The following PAQR5 variants were observed in gnomAD, a reference collection of about 807,000 sequenced individuals.
PAQR5 encodes progestin and adipoQ receptor family member 5.
Under a neutral mutation model 34.5 loss-of-function variants are expected in PAQR5, and 20 were observed. The ratio of observed to expected loss-of-function variants is 0.58; its 90% CI spans 0.41 to 0.84. The LOEUF (loss-of-function observed/expected upper bound fraction) is 0.84, where lower values mean the gene tolerates loss of function less well. Ranked by LOEUF, PAQR5 falls within the 40% of genes least tolerant of loss-of-function variation. The pLI, the probability that PAQR5 is intolerant of heterozygous loss-of-function variation, is 0.00. For synonymous variants in PAQR5, 131 were observed against 155.6 expected (o/e 0.84, Z 1.18); for missense variants, 378 against 412.7 (o/e 0.92, Z 0.73).
At chr15:69,306,617 A>G (rs1045740456) in intron 1 of PAQR5, among the ~76,000 whole-genome samples, 1 of 151,936 alleles carries the variant, frequency 6.6e-6, no homozygotes, top group African/African-American at 2.4e-5. Flanking sequence ...GTTGGCCAGG[A>G]TGGTCTCAAT....
At chr15:69,392,553 T>C (rs1341251468) in intron 6 of PAQR5, among the ~76,000 whole-genome samples, 1 of 152,152 alleles carries the variant, frequency 6.6e-6, no homozygotes, top group Non-Finnish European at 1.5e-5. Flanking sequence ...ATACTCCAGG[T>C]ACCACGTTAG....
At chr15:69,372,845 T>C (rs980424273) in intron 3 of PAQR5, among the ~76,000 whole-genome samples, 1 of 152,184 alleles carries the variant, frequency 6.6e-6, no homozygotes, top group Non-Finnish European at 1.5e-5. Flanking sequence ...GAAATTCTGA[T>C]CTTGCATTAG....
intron 3 of PAQR5, among the ~76,000 whole-genome samples, chr15:69,376,042 A>C (rs1486247704): frequency 2.0e-5 from 3 of 152,204 alleles, no homozygotes; most frequent in Non-Finnish European, 4.4e-5. Flanking sequence ...AGCTTGAGGC[A>C]GGAACTGAAA....
At position 69,300,889 on chromosome 15, in the gene PAQR5, CTTT is replaced by C. The variant is rs1449827450; in HGVS notation, c.-277+1834_-277+1836del. On this transcript the variant is annotated intron_variant, in intron 1 of 8. Transcript: ENST00000395407. ...TCTTTCTTTCTTTCTTTCTTTCTTT[CTTT>C]CTTCCTTCCTTCCTTCCTTCCTTTC... 3.8e-3 allele frequency among the ~76,000 whole-genome samples: 108 copies of C among 28,376 alleles called. 26 individuals carry two copies. Among genetic ancestry groups the C allele is most frequent in the Non-Finnish European group, 8.2e-3 (89 of 10,878 alleles). The allele number at this position is 28,376 out of a possible 152,430, so 18.6% of individuals were successfully genotyped here. A position where few individuals can be genotyped will look rare whatever the true frequency, so the allele number is the denominator to read the frequency against.
intron 6 of PAQR5, among the ~76,000 whole-genome samples, chr15:69,390,790 C>A (rs187047488): frequency 6.6e-5 from 10 of 151,092 alleles, no homozygotes; most frequent in African/African-American, 2.2e-4. Context: ...CATCCCTCAT[C>A]AGTGAGTCAG....
intron 2 of PAQR5, among the ~76,000 whole-genome samples, chr15:69,338,541 C>A (rs558355151): frequency 6.6e-6 from 1 of 152,170 alleles, no homozygotes; most frequent in Non-Finnish European, 1.5e-5. Context: ...AGTTAGAAAG[C>A]GGTTCCACTC....
At chr15:69,339,044 C>T (rs1002024323) in intron 2 of PAQR5, among the ~76,000 whole-genome samples, 5 of 152,146 alleles carry the variant, frequency 3.3e-5, no homozygotes, top group Non-Finnish European at 5.9e-5. Flanking sequence ...AGGCACCGCT[C>T]AGATCAGTAA....
chr15:69,300,571 CT>C lies in PAQR5; in HGVS notation c.-277+1516del, dbSNP rs1566984976. Among the ~76,000 whole-genome samples, 106 of 144,720 alleles carry C rather than the reference CT, an allele frequency of 7.3e-4. 1 individual carries two copies. The highest frequency in any genetic ancestry group is 2.6e-3 in the African/African-American group (100 of 38,824). The allele number at this position is 144,720 out of a possible 152,430, so 94.9% of individuals were successfully genotyped here. ...TAATCCCGTATGCTTTTCTTTCTTT[CT>C]CTTTCTTTCTTTCTTTCCTTCTTTC... On this transcript the variant is annotated intron_variant, in intron 1 of 8. Transcript: ENST00000395407.
At chr15:69,306,149 A>G (rs1300557360) in intron 1 of PAQR5, among the ~76,000 whole-genome samples, 1 of 151,950 alleles carries the variant, frequency 6.6e-6, no homozygotes, top group Non-Finnish European at 1.5e-5. Context: ...CATGGAATGC[A>G]TGGAGTGGGG....
At chr15:69,359,128 G>A (rs2055161325) in intron 2 of PAQR5, among the ~76,000 whole-genome samples, 1 of 152,134 alleles carries the variant, frequency 6.6e-6, no homozygotes, top group Non-Finnish European at 1.5e-5. Flanking sequence ...GGTGGAAGGG[G>A]CGAACAAGCT....
chr15:69,300,343 A>C (rs2053505240), intron 1 of PAQR5, among the ~76,000 whole-genome samples: 1 of 152,166 alleles, frequency 6.6e-6, no homozygotes, highest in African/African-American at 2.4e-5. Context: ...AGTACCTGGC[A>C]CACGGAAGGT....
chr15:69,326,165 G>A (rs1468350210), intron 1 of PAQR5, among the ~76,000 whole-genome samples: 1 of 152,066 alleles, frequency 6.6e-6, no homozygotes, highest in Non-Finnish European at 1.5e-5. Flanking sequence ...GGGAAATGGT[G>A]CTCCAAAGAC....
chr15:69,355,344 TTTTCTTTCTTTCTTTCTTTCTTTCTTTC>T lies in PAQR5; in HGVS notation c.-115-4604_-115-4577del, dbSNP rs202183150. 3.6e-3 allele frequency among the ~76,000 whole-genome samples: 203 copies of T among 56,206 alleles called. 1 individual carries two copies. Among genetic ancestry groups the T allele is most frequent in the Non-Finnish European group, 6.1e-3 (162 of 26,352 alleles). The allele number at this position is 56,206 out of a possible 152,430, so 36.9% of individuals were successfully genotyped here. A position where few individuals can be genotyped will look rare whatever the true frequency, so the allele number is the denominator to read the frequency against. On this transcript the variant is annotated intron_variant, in intron 2 of 8. Transcript: ENST00000395407. ...TCTTTCTTTCTTTCTTTCTTTCTTT[TTTTCTTTCTTTCTTTCTTTCTTTCTTTC>T]TTTCTTTCTTTCTTTCTCTTTCTTT...
chr15:69,369,744 G>C (rs538768480), intron 3 of PAQR5, among the ~76,000 whole-genome samples: 1 of 20,192 alleles, frequency 5.0e-5, no homozygotes, highest in South Asian at 6.7e-3. Flanking sequence ...TTTTGGGAGA[G>C]ATTTTTTTTT....
chr15:69,337,653 A>G (rs1461570375), intron 2 of PAQR5, 152 bp downstream of exon 2: 2 of 152,254 alleles, frequency 1.3e-5, no homozygotes, highest in African/African-American at 2.4e-5. Context: ...GAGATTCTTC[A>G]TGGAACAGAG....
At chr15:69,362,370 T>C (rs911672137) in intron 3 of PAQR5, among the ~76,000 whole-genome samples, 2 of 152,196 alleles carry the variant, frequency 1.3e-5, no homozygotes, top group African/African-American at 4.8e-5. Flanking sequence ...CATGAAGCCA[T>C]AGAGAAAATA....
intron 3 of PAQR5, among the ~76,000 whole-genome samples, chr15:69,364,743 T>C (rs188362296): frequency 2.6e-5 from 4 of 151,830 alleles, no homozygotes; most frequent in Admixed American, 2.6e-4. Flanking sequence ...CTCATAATTT[T>C]TTTTATTTTT....
At chr15:69,376,419 GGAGA>G (rs2055708777) in intron 3 of PAQR5, among the ~76,000 whole-genome samples, 1 of 152,184 alleles carries the variant, frequency 6.6e-6, no homozygotes, top group South Asian at 2.1e-4. Context: ...GTGGGAAGAC[GGAGA>G]GAATGTTTCT....
At chr15:69,352,215 A>G (rs2054938091) in intron 2 of PAQR5, among the ~76,000 whole-genome samples, 1 of 152,192 alleles carries the variant, frequency 6.6e-6, no homozygotes, top group Non-Finnish European at 1.5e-5. Context: ...ATCCACAGAT[A>G]AATACCCTCC....
Sources: gnomAD v4.1 joint callset for allele counts (sites outside exome capture counted in the v4.1 genomes callset) on GRCh38, gnomAD v4.1.1 for gene constraint, MANE v1.5 for transcripts, NCBI Gene and HGNC (gene_info 2026-07-23, HGNC 2026-07-21) for gene names.